The following GPC5 variants were observed in gnomAD, a reference collection of about 807,000 sequenced individuals.
GPC5 encodes the protein glypican-5.
In GPC5, 47 loss-of-function variants were observed where a neutral mutation model predicts 53.9. The observed-to-expected ratio is 0.87, with a 90% CI of 0.69 to 1.11. GPC5 has a LOEUF of 1.11. Ranked by LOEUF, GPC5 falls within the 50% of genes most tolerant of loss-of-function variation. The pLI is 0.00. For synonymous variants in GPC5, 286 were observed against 263.3 expected, an observed-to-expected ratio of 1.09 and a Z score of -0.84; for missense variants, 748 against 713.1, an observed-to-expected ratio of 1.05 and a Z score of -0.56.
At chr13:91,576,410 G>T (rs2032138739) in intron 2 of GPC5, among the ~76,000 whole-genome samples, 1 of 151,808 alleles carries the variant, frequency 6.6e-6, no homozygotes, top group Admixed American at 6.6e-5. Flanking sequence ...AATTATGTAG[G>T]CAAAGTCAGA....
intron 7 of GPC5, among the ~76,000 whole-genome samples, chr13:92,400,026 A>G (rs1875485979): frequency 6.6e-6 from 1 of 152,096 alleles, no homozygotes; most frequent in African/African-American, 2.4e-5. Flanking sequence ...TCAAATTTGC[A>G]GTCAGCCCTG....
intron 7 of GPC5, among the ~76,000 whole-genome samples, chr13:92,649,428 T>C (rs1885884208): frequency 6.6e-6 from 1 of 152,176 alleles, no homozygotes; most frequent in Non-Finnish European, 1.5e-5. Flanking sequence ...CTGAAATCCT[T>C]GGTAATTTTT....
At chr13:91,865,814 C>T (rs2039077080) in intron 5 of GPC5, among the ~76,000 whole-genome samples, 2 of 152,120 alleles carry the variant, frequency 1.3e-5, no homozygotes, top group South Asian at 4.1e-4. Context: ...GTCTCCTCAT[C>T]CCATCCCTCT....
chr13:91,608,463 T>C (rs2033443830), intron 2 of GPC5, among the ~76,000 whole-genome samples: 1 of 152,200 alleles, frequency 6.6e-6, no homozygotes, highest in South Asian at 2.1e-4. Context: ...TAGGCTATTA[T>C]GTGATGCTCA....
intron 5 of GPC5, among the ~76,000 whole-genome samples, chr13:91,884,976 A>G (rs908125778): frequency 2.0e-5 from 3 of 152,178 alleles, no homozygotes; most frequent in Admixed American, 1.3e-4. Context: ...TAATTATAGT[A>G]TTGTTAAATA....
rs560319808 is a variant in GPC5 at position 92,381,682 on chromosome 13, G to A, written c.1561+236693G>A. Among the ~76,000 whole-genome samples, 85 of 151,336 alleles carry A rather than the reference G, an allele frequency of 5.6e-4. 1 individual carries two copies. The highest frequency in any genetic ancestry group is 3.4e-3 in the Middle Eastern group (1 of 290). ...CCCAGAGGAAAAGAAGACATGATTC[G>A]AAAACGACACTTGCATATGCATATT... On this transcript the variant is annotated intron_variant, in intron 7 of 7. Transcript: ENST00000377067.
chr13:92,654,294 A>C (rs1469675063), intron 7 of GPC5, among the ~76,000 whole-genome samples: 1 of 152,182 alleles, frequency 6.6e-6, no homozygotes, highest in African/African-American at 2.4e-5. Context: ...TTCCCTTATA[A>C]CTCAATATTT....
At chr13:91,439,137 T>G (rs930390249) in intron 1 of GPC5, among the ~76,000 whole-genome samples, 1 of 152,262 alleles carries the variant, frequency 6.6e-6, no homozygotes, top group African/African-American at 2.4e-5. Context: ...CCAATTCATA[T>G]TGGCATGACT....
At chr13:92,129,974 A>T (rs1395933645) in intron 6 of GPC5, among the ~76,000 whole-genome samples, 1 of 152,154 alleles carries the variant, frequency 6.6e-6, no homozygotes, top group Non-Finnish European at 1.5e-5. Context: ...CAAGAAAGTT[A>T]ACAAAACCTA....
intron 3 of GPC5, among the ~76,000 whole-genome samples, chr13:91,710,463 C>T (rs1222778833): frequency 1.3e-5 from 2 of 152,086 alleles, no homozygotes; most frequent in Non-Finnish European, 2.9e-5. Context: ...GTCAAAAATC[C>T]TGCTTATCAA....
intron 7 of GPC5, among the ~76,000 whole-genome samples, chr13:92,348,856 T>G (rs1191097432): frequency 6.6e-6 from 1 of 152,102 alleles, no homozygotes; most frequent in African/African-American, 2.4e-5. Flanking sequence ...AACAATAATT[T>G]AAAAATATCT....
chr13:91,632,547 G>A (rs1045569545), intron 2 of GPC5, among the ~76,000 whole-genome samples: 1 of 152,060 alleles, frequency 6.6e-6, no homozygotes, highest in African/African-American at 2.4e-5. Flanking sequence ...AAAATATAAT[G>A]GAAAGAAGGC....
intron 6 of GPC5, among the ~76,000 whole-genome samples, chr13:92,009,353 C>T (rs190800559): frequency 1.8e-4 from 27 of 150,506 alleles, no homozygotes; most frequent in African/African-American, 6.6e-4. Flanking sequence ...GATTTTATTT[C>T]AGAGCTTATT....
Position 91,471,298 on chromosome 13 carries a change from T to C in GPC5, c.325+22376T>C, listed in dbSNP as rs546956660. The stretch of plus-strand genomic sequence containing the variant: ...GGTGATCATGAACCACCTGCTGTTT[T>C]TTTTTTCATTTGGAGATAATGTTTC... On this transcript the variant is annotated intron_variant, in intron 2 of 7. Transcript: ENST00000377067. Among the ~76,000 whole-genome samples the C allele has an allele frequency of 5.3e-5, 8 of 152,294 alleles. No homozygotes were observed. The South Asian group carries it at 1.4e-3, about 28-fold the overall frequency.
chr13:92,385,519 C>CATATACATATATGCAT (rs1481687635), intron 7 of GPC5, among the ~76,000 whole-genome samples: 1 of 74,148 alleles, frequency 1.3e-5, no homozygotes, highest in Non-Finnish European at 2.3e-5. Context: ...TATATACATA[C>CATATACATATATGCAT]ATATGCATAT....
chr13:92,531,080 A>G (rs935642824), intron 7 of GPC5, among the ~76,000 whole-genome samples: 13 of 152,176 alleles, frequency 8.5e-5, no homozygotes, highest in Admixed American at 3.9e-4. Flanking sequence ...GGCTTTCATT[A>G]TGATTGTAGA....
At chr13:92,708,743 G>A (rs1173583112) in intron 7 of GPC5, among the ~76,000 whole-genome samples, 2 of 151,330 alleles carry the variant, frequency 1.3e-5, no homozygotes, top group African/African-American at 4.9e-5. Context: ...ATTAGAGAAA[G>A]GTCAGCAAGT....
intron 1 of GPC5, among the ~76,000 whole-genome samples, chr13:91,404,657 T>C (rs1324062): frequency 0.77 from 116,792 of 152,144 alleles, 45,138 homozygotes; most frequent in Admixed American, 0.81. Context: ...CCTTGATTAG[T>C]TGCATCAGGG....
chr13:91,920,939 T>C (rs1356296655), intron 6 of GPC5, among the ~76,000 whole-genome samples: 18 of 137,724 alleles, frequency 1.3e-4, no homozygotes, highest in Non-Finnish European at 4.7e-5. Context: ...TTTTTTTTTT[T>C]TTTTTTTTTT....
Sources: gnomAD v4.1 joint callset for allele counts (sites outside exome capture counted in the v4.1 genomes callset) on GRCh38, gnomAD v4.1.1 for gene constraint, MANE v1.5 for transcripts, NCBI Gene and HGNC (gene_info 2026-07-23, HGNC 2026-07-21) for gene names.